Variants in NAV1 observed in about 807,000 individuals in gnomAD.
The protein encoded by NAV1 is pore membrane and/or filament interacting like protein 3.
A neutral mutation model predicts 175.2 loss-of-function variants in NAV1; 18 were observed. The observed-to-expected ratio is 0.10, with a 90% confidence interval of 0.07 to 0.15. The LOEUF is 0.15. Among genes scored for constraint, NAV1 ranks in the 10% least tolerant of loss-of-function variants. The probability of loss-of-function intolerance (pLI) is 1.00; values close to 1 mark genes in which losing one functional copy is unlikely to be tolerated. For synonymous variants in NAV1, 897 were observed against 978.7 expected, an observed-to-expected ratio of 0.92 and a Z score of 1.56; for missense variants, 1,731 against 2,436.6, an observed-to-expected ratio of 0.71 and a Z score of 6.10.
chr1:201,814,882 AC>A (rs1303765584), intron 28 of NAV1, among the ~76,000 whole-genome samples: 1 of 151,874 alleles, frequency 6.6e-6, no homozygotes, highest in East Asian at 1.9e-4. Context: ...TACTAAAAAT[AC>A]AAAAAATTAG....
intron 3 of NAV1, among the ~76,000 whole-genome samples, chr1:201,759,464 T>C (rs929437794): frequency 2.0e-5 from 3 of 152,240 alleles, no homozygotes; most frequent in Non-Finnish European, 4.4e-5. Context: ...TGAGTGTTCA[T>C]TAATATCGTT....
intron 1 of NAV1, among the ~76,000 whole-genome samples, chr1:201,570,156 G>T (rs1028506737): frequency 6.6e-6 from 1 of 152,188 alleles, no homozygotes; most frequent in Non-Finnish European, 1.5e-5. Context: ...AAAAATCAGA[G>T]CAGGTGGAAG....
chr1:201,642,193 CTTT>C (rs1422743390), intron 2 of NAV1, among the ~76,000 whole-genome samples: 107 of 136,084 alleles, frequency 7.9e-4, no homozygotes, highest in African/African-American at 2.7e-3. Context: ...TCCTTCCCTC[CTTT>C]CTTCCTTTCT....
intron 1 of NAV1, among the ~76,000 whole-genome samples, chr1:201,580,571 G>T (rs149550609): frequency 1.3e-5 from 2 of 152,044 alleles, no homozygotes; most frequent in Non-Finnish European, 1.5e-5. Flanking sequence ...TCAGGAGTTC[G>T]AGACCAGCCT....
intron 3 of NAV1, among the ~76,000 whole-genome samples, chr1:201,741,253 G>T (rs1309060353): frequency 1.3e-5 from 2 of 152,168 alleles, no homozygotes; most frequent in Non-Finnish European, 2.9e-5. Flanking sequence ...GGCACCAGGA[G>T]CCCCTTGGAA....
intron 3 of NAV1, chr1:201,723,891 A>G (rs563138382): frequency 1.1e-3 from 171 of 152,374 alleles, no homozygotes; most frequent in Non-Finnish European, 2.0e-3. Flanking sequence ...ATAAGGGTGT[A>G]ACTCTTCATC....
intron 1 of NAV1, among the ~76,000 whole-genome samples, chr1:201,684,274 T>C (rs1670582951): frequency 6.6e-6 from 1 of 152,132 alleles, no homozygotes; most frequent in Non-Finnish European, 1.5e-5. Context: ...GGTGTGCCTA[T>C]TGCTATCACT....
At chr1:201,729,688 T>C (rs903906894) in intron 3 of NAV1, among the ~76,000 whole-genome samples, 5 of 151,948 alleles carry the variant, frequency 3.3e-5, no homozygotes, top group Non-Finnish European at 5.9e-5. Context: ...GGGCAGATCA[T>C]GAGGTCAGGA....
chr1:201,738,814 TA>T (rs527796296), intron 3 of NAV1, among the ~76,000 whole-genome samples: 279 of 152,226 alleles, frequency 1.8e-3, no homozygotes, highest in African/African-American at 6.1e-3. Flanking sequence ...TTAGGGGGCT[TA>T]AAAAAATGCT....
chr1:201,759,420 A>G (rs1674701152), intron 3 of NAV1, among the ~76,000 whole-genome samples: 1 of 152,228 alleles, frequency 6.6e-6, no homozygotes, highest in African/African-American at 2.4e-5. Flanking sequence ...AGGCTTCAGC[A>G]TATCTAATGT....
In NAV1 at chr1:201,788,394, G is replaced by A. The variant is rs955065237; in HGVS notation, c.2996-74G>A. ...CCGGTGCTCCATCCCCCAAGGGCCC[G>A]GAGAGCTGATGACCCTGCCTCTTTT... On this transcript the variant is annotated intron_variant, in intron 9 of 29. Coordinates refer to ENST00000367296, the Ensembl canonical transcript of NAV1. The surrounding 1 kb of genome is among the most constrained non-coding windows in gnomAD (Gnocchi z 5.7). The A allele has an allele frequency of 1.7e-5, 26 of 1,539,210 alleles. No homozygotes were observed. Among genetic ancestry groups the A allele is most frequent in the African/African-American group, 1.2e-4 (9 of 73,520 alleles).
rs1676903384 is a variant in NAV1 at position 201,788,383 on chromosome 1, C to T, written c.2996-85C>T. On this transcript the variant is annotated intron_variant, in intron 9 of 29. Transcript: ENST00000367296. This position sits in a 1 kb window ranked among gnomAD's most constrained non-coding sequence, Gnocchi z 5.7. ...CTCTCATGCTCCCGGTGCTCCATCC[C>T]CCAAGGGCCCGGAGAGCTGATGACC... The T allele has an allele frequency of 1.4e-6, 2 of 1,473,826 alleles. No homozygotes were observed. The highest frequency in any genetic ancestry group is 9.4e-7 in the Non-Finnish European group (1 of 1,062,680). 91.3% of individuals were successfully genotyped at this position (1,473,826 alleles called of 1,614,324 possible).
intron 1 of NAV1, among the ~76,000 whole-genome samples, chr1:201,586,492 T>C (rs374952771): frequency 6.6e-6 from 1 of 152,082 alleles, no homozygotes; most frequent in African/African-American, 2.4e-5. Flanking sequence ...CAACAGAAAT[T>C]TATTTTCACA....
In NAV1 at chr1:201,539,795, C is replaced by T. The variant is rs577661194; in HGVS notation, c.-144+453C>T. Reference sequence around the variant, plus strand: ...CGTTGAAGCAAGAGTTAACTCCTCCCATCCCAGCAGGAGCCAGAGGAACAG... The same window carrying T: ...CGTTGAAGCAAGAGTTAACTCCTCCTATCCCAGCAGGAGCCAGAGGAACAG... On this transcript the variant is annotated intron_variant, in intron 1 of 33. Transcript: ENST00000685211. This position sits in a 1 kb window ranked among gnomAD's most constrained non-coding sequence, Gnocchi z 5.6. 5.3e-5 allele frequency among the ~76,000 whole-genome samples: 8 copies of T among 152,324 alleles called. No individual in the cohort carries two copies. The East Asian group carries it at 1.5e-3, about 29-fold the overall frequency.
intron 1 of NAV1, among the ~76,000 whole-genome samples, chr1:201,580,582 G>A (rs111258145): frequency 6.6e-6 from 1 of 152,128 alleles, no homozygotes; most frequent in African/African-American, 2.4e-5. Context: ...AGACCAGCCT[G>A]GCCAACATGG....
At chr1:201,621,729 A>G (rs1668176637), upstream of NAV1, among the ~76,000 whole-genome samples, 1 of 152,232 alleles carries the variant, frequency 6.6e-6, no homozygotes, top group Non-Finnish European at 1.5e-5. Flanking sequence ...CACATCTATC[A>G]GTGTTTTAGT....
chr1:201,623,442 C>T (rs759056914), exon 1 of NAV1: 9 of 985,982 alleles, frequency 9.1e-6, no homozygotes, highest in Non-Finnish European at 1.1e-5. Flanking sequence ...CTGGGACCCC[C>T]AGGTCTTTGG....
intron 1 of NAV1, among the ~76,000 whole-genome samples, chr1:201,682,816 G>A (rs1031487837): frequency 3.9e-5 from 6 of 152,070 alleles, no homozygotes; most frequent in East Asian, 1.9e-4. Context: ...CAGAACCATC[G>A]ATGTAATTTT....
At chr1:201,574,451 C>T (rs665686) in intron 1 of NAV1, among the ~76,000 whole-genome samples, 7,414 of 152,140 alleles carry the variant, frequency 0.049, 434 homozygotes, top group East Asian at 0.14. Context: ...ACCCAGCACT[C>T]GGAGTCAGGA....
Sources: allele counts gnomAD v4.1 joint callset (sites outside exome capture counted in the v4.1 genomes callset), GRCh38; gene constraint gnomAD v4.1.1; non-coding constraint Gnocchi (gnomAD v3.1); transcripts MANE v1.5; gene names NCBI Gene and HGNC (gene_info 2026-07-23, HGNC 2026-07-21).